Variants in CMBL observed in about 807,000 individuals in gnomAD.
CMBL encodes the protein carboxymethylenebutenolidase homolog (Pseudomonas).
Under a neutral mutation model 28.7 loss-of-function variants are expected in CMBL, and 17 were observed. That is an observed-to-expected ratio of 0.59 (90% CI 0.41 to 0.89). The LOEUF (loss-of-function observed/expected upper bound fraction) is 0.89. Ranked by LOEUF, CMBL falls within the 40% of genes least tolerant of loss-of-function variation. The pLI is 0.00. For missense variants in CMBL, 310 were observed against 298.5 expected, an observed-to-expected ratio of 1.04 and a Z score of -0.28; for synonymous variants, 106 against 101.6, an observed-to-expected ratio of 1.04 and a Z score of -0.26.
chr5:10,300,115 T>C (rs1230451810), intron 1 of CMBL, among the ~76,000 whole-genome samples: 1 of 152,220 alleles, frequency 6.6e-6, no homozygotes, highest in Non-Finnish European at 1.5e-5. Flanking sequence ...GATGAGGTCA[T>C]ACTGGAGTAC....
intron 4 of CMBL, 145 bp downstream of exon 4, chr5:10,286,209 T>G: frequency 3.8e-6 from 3 of 787,348 alleles, no homozygotes; most frequent in South Asian, 4.4e-5. Flanking sequence ...ACCTCTATTT[T>G]CAGATTCTTA....
chr5:10,285,688 C>CTT (rs1554013423), intron 4 of CMBL, among the ~76,000 whole-genome samples: 2 of 144,306 alleles, frequency 1.4e-5, no homozygotes, highest in African/African-American at 5.2e-5. Context: ...TTCTTTCTTT[C>CTT]TCTTTCTTTT....
At chr5:10,304,316 C>A (rs1746960872) in intron 1 of CMBL, among the ~76,000 whole-genome samples, 1 of 152,172 alleles carries the variant, frequency 6.6e-6, no homozygotes, top group African/African-American at 2.4e-5. Context: ...CTGCAGTGAG[C>A]CAATGATCAT....
At position 10,279,544 on chromosome 5, in the gene CMBL, GT is replaced by G. The variant is rs140959227; in HGVS notation, c.*908del. The G allele has an allele frequency of 0.13, 18,461 of 145,782 alleles. 1,213 individuals carry two copies. Among genetic ancestry groups the G allele is most frequent in the South Asian group, 0.25 (1,160 of 4,558 alleles). The allele number at this position is 145,782 out of a possible 1,614,324, so 9.0% of individuals were successfully genotyped here. Reference sequence around the variant, plus strand: ...TCAGCTGGTCCTTGAACAGCTGTAGGTTTTTTTTTTTTTTTGAGACAGAGTC... The same window carrying G: ...TCAGCTGGTCCTTGAACAGCTGTAGGTTTTTTTTTTTTTTGAGACAGAGTC... On this transcript the variant is annotated 3_prime_UTR_variant, in exon 6 of 6. Coordinates refer to ENST00000296658, the MANE Select transcript of CMBL (RefSeq NM_138809.4).
At chr5:10,296,217 G>A (rs922619924) in intron 1 of CMBL, among the ~76,000 whole-genome samples, 1 of 152,192 alleles carries the variant, frequency 6.6e-6, no homozygotes, top group Non-Finnish European at 1.5e-5. Context: ...GAATGGTTTA[G>A]GATTTGCTAA....
chr5:10,306,089 CT>C (rs1442933633), intron 1 of CMBL, among the ~76,000 whole-genome samples: 1 of 152,158 alleles, frequency 6.6e-6, no homozygotes, highest in African/African-American at 2.4e-5. Context: ...TGAAAATTAT[CT>C]TTTAACAATG....
chr5:10,293,136 C>T (rs1746755496), intron 1 of CMBL, among the ~76,000 whole-genome samples: 1 of 152,194 alleles, frequency 6.6e-6, no homozygotes, highest in Non-Finnish European at 1.5e-5. Flanking sequence ...GACATCTTTA[C>T]AGCCTAGACT....
At chr5:10,300,473 C>T (rs751681160) in intron 1 of CMBL, among the ~76,000 whole-genome samples, 1 of 152,058 alleles carries the variant, frequency 6.6e-6, no homozygotes, top group African/African-American at 2.4e-5. Context: ...CACAACAGTT[C>T]GATGAACAGG....
intron 1 of CMBL, among the ~76,000 whole-genome samples, chr5:10,304,280 G>A (rs562603146): frequency 2.6e-5 from 4 of 152,268 alleles, no homozygotes; most frequent in East Asian, 1.9e-4. Flanking sequence ...GAGCTAGGAG[G>A]AGCACTTGGG....
intron 3 of CMBL, 119 bp downstream of exon 3, chr5:10,288,303 C>T (rs1452014577): frequency 2.7e-6 from 2 of 737,274 alleles, no homozygotes; most frequent in Non-Finnish European, 4.7e-6. Flanking sequence ...GGAAGGATTC[C>T]ATTGGCCATG....
chr5:10,293,060 A>T (rs956830714), intron 1 of CMBL, among the ~76,000 whole-genome samples: 5 of 152,254 alleles, frequency 3.3e-5, no homozygotes, highest in Non-Finnish European at 5.9e-5. Context: ...TTAGAACTGG[A>T]TTACCATGTT....
intron 1 of CMBL, among the ~76,000 whole-genome samples, chr5:10,304,694 T>A (rs1379496761): frequency 6.6e-6 from 1 of 152,230 alleles, no homozygotes; most frequent in African/African-American, 2.4e-5. Flanking sequence ...GGCTCACACC[T>A]GTAATCCCAG....
At chr5:10,305,594 C>T (rs955003778) in intron 1 of CMBL, among the ~76,000 whole-genome samples, 8 of 151,806 alleles carry the variant, frequency 5.3e-5, no homozygotes, top group Admixed American at 2.6e-4. Flanking sequence ...TTTTTTGAGA[C>T]GGAGTCTCAC....
Position 10,279,885 on chromosome 5 carries a change from T to A in CMBL, c.*568A>T, listed in dbSNP as rs1470611168. The A allele has an allele frequency of 6.6e-6, 1 of 152,060 alleles. No individual in the cohort carries two copies. The highest frequency in any genetic ancestry group is 1.5e-5 in the Non-Finnish European group (1 of 68,024). 9.4% of individuals were successfully genotyped at this position (152,060 alleles called of 1,614,324 possible). On this transcript the variant is annotated 3_prime_UTR_variant, in exon 6 of 6. Coordinates refer to ENST00000296658, the MANE Select transcript of CMBL (RefSeq NM_138809.4). ...TAGGGTATTACTCTATCATTCTCTA[T>A]CATTCAAATTCTCCAGGTACTGACC...
intron 1 of CMBL, among the ~76,000 whole-genome samples, chr5:10,303,690 C>T (rs1746949819): frequency 6.6e-6 from 1 of 152,186 alleles, no homozygotes; most frequent in Non-Finnish European, 1.5e-5. Context: ...GAGTTATTGG[C>T]CATACAACTC....
chr5:10,286,602 G>T (rs1377155766), intron 3 of CMBL, 106 bp from the exon 4 acceptor site: 2 of 1,053,954 alleles, frequency 1.9e-6, no homozygotes, highest in Non-Finnish European at 2.6e-6. Context: ...TTTTGAAGTT[G>T]CCAAGGTTTC....
chr5:10,302,871 A>T (rs964123163), intron 1 of CMBL, among the ~76,000 whole-genome samples: 7 of 152,248 alleles, frequency 4.6e-5, no homozygotes, highest in Non-Finnish European at 8.8e-5. Context: ...TATCTCTTGT[A>T]GGGGAAACTT....
rs1010243644 is a variant in CMBL, at chr5:10,289,124, G to A, written c.216-595C>T. On this transcript the variant is annotated intron_variant, in intron 2 of 5. Transcript: ENST00000296658. The surrounding 1 kb of genome is among the most constrained non-coding windows in gnomAD (Gnocchi z 4.3). Reference sequence around the variant, plus strand: ...CCAGAGGGATAGAGCCAGCCGCTGGGGTTGAGTCCTGTTTCCCAAAATAGA... The same window carrying A: ...CCAGAGGGATAGAGCCAGCCGCTGGAGTTGAGTCCTGTTTCCCAAAATAGA... Among the ~76,000 whole-genome samples the A allele has an allele frequency of 2.0e-5, 3 of 152,202 alleles. No individual in the cohort carries two copies. Among genetic ancestry groups the A allele is most frequent in the African/African-American group, 7.2e-5 (3 of 41,442 alleles).
At chr5:10,282,688 G>A (rs1200363261) in intron 4 of CMBL, among the ~76,000 whole-genome samples, 4 of 152,054 alleles carry the variant, frequency 2.6e-5, no homozygotes, top group Non-Finnish European at 5.9e-5. Flanking sequence ...GGGGACTAAG[G>A]TGGGCGGATT....
Sources: gnomAD v4.1 joint callset for allele counts (sites outside exome capture counted in the v4.1 genomes callset) on GRCh38, gnomAD v4.1.1 for gene constraint, Gnocchi (gnomAD v3.1) non-coding constraint, MANE v1.5 for transcripts, NCBI Gene and HGNC (gene_info 2026-07-23, HGNC 2026-07-21) for gene names.